The following CRACR2A variants were observed in gnomAD, a reference collection of about 807,000 sequenced individuals.
CRACR2A encodes EF-hand calcium-binding domain-containing protein 4B.
A neutral mutation model predicts 90.5 loss-of-function variants in CRACR2A; 79 were observed. The ratio of observed to expected loss-of-function variants is 0.87; its 90% CI spans 0.73 to 1.05. The LOEUF (loss-of-function observed/expected upper bound fraction) is 1.05. Ranked by LOEUF, CRACR2A falls within the 50% of genes least tolerant of loss-of-function variation. The pLI, the probability that CRACR2A is intolerant of heterozygous loss-of-function variation, is 0.00. For missense variants in CRACR2A, 823 were observed against 897.2 expected (o/e 0.92, Z 1.06); for synonymous variants, 338 against 356.7 (o/e 0.95, Z 0.59).
At chr12:3,656,508 C>T (rs1032187860) in intron 8 of CRACR2A, 102 bp from the exon 9 acceptor site, 2 of 980,102 alleles carry the variant, frequency 2.0e-6, no homozygotes, top group African/African-American at 1.6e-5. Context: ...CAGGGCCCAT[C>T]CTATTAGACC....
At chr12:3,742,841 C>T (rs1946549080) in intron 1 of CRACR2A, among the ~76,000 whole-genome samples, 1 of 152,206 alleles carries the variant, frequency 6.6e-6, no homozygotes, top group South Asian at 2.1e-4. Flanking sequence ...AGTTTCTTTC[C>T]AGAGCACATT....
intron 4 of CRACR2A, among the ~76,000 whole-genome samples, chr12:3,691,081 C>G (rs1418004036): frequency 2.0e-5 from 3 of 152,114 alleles, no homozygotes; most frequent in East Asian, 3.8e-4. Context: ...GATAGCATAC[C>G]AATGGGTCTT....
intron 7 of CRACR2A, among the ~76,000 whole-genome samples, chr12:3,670,919 G>A (rs932278403): frequency 6.6e-6 from 1 of 152,218 alleles, no homozygotes; most frequent in Non-Finnish European, 1.5e-5. Flanking sequence ...TTGATCAGCT[G>A]ACCCCAGAGC....
intron 4 of CRACR2A, among the ~76,000 whole-genome samples, chr12:3,689,107 T>G (rs1945611894): frequency 6.6e-6 from 1 of 152,028 alleles, no homozygotes; most frequent in Admixed American, 6.6e-5. Flanking sequence ...GACTATGGGG[T>G]TTTTTAGATG....
In CRACR2A at chr12:3,627,480, T is replaced by G. The variant is rs1458508780; in HGVS notation, c.1888A>C (p.Lys630Gln). 1.3e-6 allele frequency: 2 copies of G among 1,552,024 alleles called. No homozygotes were observed. Among genetic ancestry groups the G allele is most frequent in the East Asian group, 2.4e-5 (1 of 40,916 alleles). The change falls in exon 17 of 20, where the codon AAG becomes CAG. Residue 630 changes from lysine (K) to glutamine (Q), a missense_variant. By Grantham distance (53) the Lys-to-Gln change is moderately conservative. Transcript: ENST00000440314. ...CGCCGGACCGACAGGAACGACTGCT[T>G]GTCTGTGAGATCGTACATGACGATG... The part of the protein sequence containing the change: ...GVIVMYDLTD[K>Q]QSFLSVRRWL...
chr12:3,700,298 T>C (rs987720034), intron 3 of CRACR2A, among the ~76,000 whole-genome samples: 2 of 152,176 alleles, frequency 1.3e-5, no homozygotes, highest in African/African-American at 4.8e-5. Flanking sequence ...GCTTCACTTA[T>C]CTTACTCTAG....
At chr12:3,682,523 T>A (rs1945476100) in intron 4 of CRACR2A, among the ~76,000 whole-genome samples, 1 of 152,124 alleles carries the variant, frequency 6.6e-6, no homozygotes, top group Non-Finnish European at 1.5e-5. Flanking sequence ...ATATTATAGG[T>A]TCCAAGTAAT....
At chr12:3,721,718 C>T (rs1283277671) in intron 2 of CRACR2A, among the ~76,000 whole-genome samples, 2 of 151,902 alleles carry the variant, frequency 1.3e-5, no homozygotes, top group Non-Finnish European at 1.5e-5. Context: ...AAGACATGTA[C>T]ACTGAAAAAA....
chr12:3,634,048 C>T (rs534245271), intron 14 of CRACR2A, among the ~76,000 whole-genome samples: 1 of 152,282 alleles, frequency 6.6e-6, no homozygotes, highest in South Asian at 2.1e-4. Context: ...GCAGCACGCT[C>T]ACGGATAAGG....
intron 3 of CRACR2A, among the ~76,000 whole-genome samples, chr12:3,704,897 G>A (rs1333119639): frequency 6.6e-6 from 1 of 152,226 alleles, no homozygotes; most frequent in African/African-American, 2.4e-5. Flanking sequence ...CCCCTGGCTA[G>A]ACCTGCAGTC....
chr12:3,742,496 C>A (rs375716093), intron 1 of CRACR2A, among the ~76,000 whole-genome samples: 1 of 152,062 alleles, frequency 6.6e-6, no homozygotes, highest in Non-Finnish European at 1.5e-5. Context: ...CCCGTCTAGA[C>A]GAAGGAGGAA....
intron 13 of CRACR2A, chr12:3,640,399 G>A (rs1261571716): frequency 1.1e-5 from 8 of 704,526 alleles, no homozygotes; most frequent in African/African-American, 3.7e-5. Flanking sequence ...TTTATTAAGT[G>A]AGCATTTAAT....
At chr12:3,649,899 G>A (rs962275906) in intron 10 of CRACR2A, among the ~76,000 whole-genome samples, 1 of 152,006 alleles carries the variant, frequency 6.6e-6, no homozygotes, top group African/African-American at 2.4e-5. Context: ...GGGGTAATTG[G>A]GGAGGTCTTC....
intron 12 of CRACR2A, among the ~76,000 whole-genome samples, chr12:3,643,872 A>ATATATTATATAT (rs1293099213): frequency 5.7e-5 from 4 of 70,594 alleles, no homozygotes; most frequent in East Asian, 4.5e-4. Flanking sequence ...TATATATATT[A>ATATATTATATAT]TATATATTTA....
chr12:3,619,949 G>T (rs745894386), intron 17 of CRACR2A, among the ~76,000 whole-genome samples: 1 of 152,242 alleles, frequency 6.6e-6, no homozygotes, highest in African/African-American at 2.4e-5. Context: ...CATGTGCCTT[G>T]CTGGAGGCTG....
intron 4 of CRACR2A, among the ~76,000 whole-genome samples, chr12:3,684,371 G>C (rs141278803): frequency 6.6e-6 from 1 of 152,082 alleles, no homozygotes; most frequent in East Asian, 1.9e-4. Flanking sequence ...CTGATTACGT[G>C]GTATAGGCCA....
In CRACR2A at chr12:3,746,643, T is replaced by C. The variant is rs1946631831; in HGVS notation, c.-387+6372A>G. On this transcript the variant is annotated intron_variant, in intron 1 of 19. Coordinates refer to ENST00000440314, the MANE Select transcript of CRACR2A (RefSeq NM_001144958.2). The surrounding 1 kb of genome is among the most constrained non-coding windows in gnomAD (Gnocchi z 4.4). ...TCCCCTCAAAGGGAGTATGCATGCC[T>C]ACTACAGGGACCACCCCTCTCTTCT... Among the ~76,000 whole-genome samples the C allele has an allele frequency of 6.6e-6, 1 of 152,236 alleles. No individual in the cohort carries two copies. Among genetic ancestry groups the C allele is most frequent in the Non-Finnish European group, 1.5e-5 (1 of 68,026 alleles).
chr12:3,696,778 A>G lies in CRACR2A; in HGVS notation c.222T>C (p.Asp74=), dbSNP rs79177294. The G allele has an allele frequency of 6.8e-6, 11 of 1,614,176 alleles. No homozygotes were observed. In the South Asian group the frequency reaches 8.8e-5, roughly 13 times the overall value. The change falls in exon 4 of 20, where the codon GAT becomes GAC. Residue 74 remains aspartate (D), a synonymous_variant. Transcript: ENST00000440314. ...AEGKGFIARK[D]MQRLHKELPL... ...TACCTGGGACCCCACTTACCTGCATATCCTTCCTGGCGATGAAGCCCTTGC... is the reference window on the plus strand; with the variant it reads ...TACCTGGGACCCCACTTACCTGCATGTCCTTCCTGGCGATGAAGCCCTTGC...
intron 4 of CRACR2A, among the ~76,000 whole-genome samples, chr12:3,689,906 A>G (rs138061386): frequency 1.3e-5 from 2 of 151,924 alleles, no homozygotes; most frequent in African/African-American, 4.8e-5. Flanking sequence ...GAATTTATCA[A>G]CTTCTTCTAG....
Sources: allele counts gnomAD v4.1 joint callset (sites outside exome capture counted in the v4.1 genomes callset), GRCh38; gene constraint gnomAD v4.1.1; non-coding constraint Gnocchi (gnomAD v3.1); transcripts MANE v1.5; gene names NCBI Gene and HGNC (gene_info 2026-07-23, HGNC 2026-07-21).